The following TGS1 variants were observed in gnomAD, a reference collection of about 807,000 sequenced individuals.
TGS1 encodes the protein trimethylguanosine synthase 1.
TGS1 carries 69 observed loss-of-function variants against 92.2 expected under a neutral mutation model. The observed-to-expected ratio is 0.75, with a 90% confidence interval of 0.62 to 0.91. The LOEUF is 0.91. TGS1 is among the 40% of genes least tolerant of loss of function. The pLI, the probability that TGS1 is intolerant of heterozygous loss-of-function variation, is 0.00. For missense variants in TGS1, 1,062 were observed against 1,001.2 expected (o/e 1.06, Z -0.82); for synonymous variants, 345 against 338.1 (o/e 1.02, Z -0.22).
At chr8:55,820,180 A>G (rs1019889509) in intron 12 of TGS1, among the ~76,000 whole-genome samples, 5 of 152,134 alleles carry the variant, frequency 3.3e-5, no homozygotes, top group Non-Finnish European at 5.9e-5. Flanking sequence ...TTCCAGTAGG[A>G]TGCAGTTGGG....
chr8:55,786,639 T>C lies in TGS1; in HGVS notation c.741T>C (p.Tyr247=). ...AACATTATAGTCAACTTTATTGGTA[T>C]TATTTGGAACAATTTCAGTATTGGG... ...WEQHYSQLYW[Y]YLEQFQYWEA... is the part of the protein sequence containing the mutation. Residue 247 remains tyrosine (Y), a synonymous_variant, in exon 4 of 13, where the codon TAT becomes TAC. Coordinates refer to ENST00000260129, the MANE Select transcript of TGS1 (RefSeq NM_024831.8). 1 of 1,614,194 alleles carries C rather than the reference T, an allele frequency of 6.2e-7. No homozygotes were observed. Among genetic ancestry groups the C allele is most frequent in the East Asian group, 2.2e-5 (1 of 44,880 alleles).
intron 2 of TGS1, among the ~76,000 whole-genome samples, chr8:55,783,852 A>G (rs568170477): frequency 6.6e-6 from 1 of 152,362 alleles, no homozygotes; most frequent in East Asian, 1.9e-4. Context: ...CTATACAAAT[A>G]AAGTTCCTAT....
intron 10 of TGS1, among the ~76,000 whole-genome samples, chr8:55,806,305 G>A (rs1399391685): frequency 7.5e-6 from 1 of 133,516 alleles, no homozygotes; most frequent in Non-Finnish European, 1.5e-5. Flanking sequence ...GCAGTGAGCC[G>A]AGATCATGCC....
At chr8:55,801,228 C>G (rs1357530335) in intron 8 of TGS1, among the ~76,000 whole-genome samples, 1 of 152,228 alleles carries the variant, frequency 6.6e-6, no homozygotes, top group Non-Finnish European at 1.5e-5. Context: ...TGTCCTGTCA[C>G]TGCTGTGAAT....
Position 55,786,942 on chromosome 8 carries a change from A to G in TGS1, c.1044A>G (p.Leu348=). 1 of 1,614,158 alleles carries G rather than the reference A, an allele frequency of 6.2e-7. No homozygotes were observed. Among genetic ancestry groups the G allele is most frequent in the Non-Finnish European group, 8.5e-7 (1 of 1,180,014 alleles). The change falls in exon 4 of 13, where the codon CTA becomes CTG. Residue 348 remains leucine, a synonymous_variant. Coordinates refer to ENST00000260129, the MANE Select transcript of TGS1 (RefSeq NM_024831.8). ...CAAGTCATGATGGTCATCAACAGCT[A>G]AGTGAAGTTAGTAGCAAAAGAGAGT... The part of the protein sequence containing the change: ...SCTSHDGHQQ[L]SEVSSKRECP...
At position 55,802,737 on chromosome 8, in the gene TGS1, G is replaced by A. The variant is rs186043821; in HGVS notation, c.1999+131G>A. ...TCAGCTATTTTCAACATTTTGCCCC[G>A]TTTACGTTCTCATTCTCTCTCCATA... is the stretch of plus-strand genomic sequence containing the variant. On this transcript the variant is annotated intron_variant, in intron 9 of 12. Coordinates refer to ENST00000260129, the MANE Select transcript of TGS1 (RefSeq NM_024831.8). 1.0e-3 allele frequency: 860 copies of A among 848,370 alleles called. 7 individuals carry two copies. The highest frequency in any genetic ancestry group is 9.8e-3 in the African/African-American group (574 of 58,370). 52.6% of individuals were successfully genotyped at this position (848,370 alleles called of 1,614,324 possible).
At chr8:55,809,846 T>A (rs1803292357) in intron 10 of TGS1, among the ~76,000 whole-genome samples, 1 of 152,196 alleles carries the variant, frequency 6.6e-6, no homozygotes. Context: ...ATCGATTTGA[T>A]GTTGAAAGTC....
chr8:55,806,376 A>AT (rs1812373041), intron 10 of TGS1, among the ~76,000 whole-genome samples: 1 of 145,936 alleles, frequency 6.9e-6, no homozygotes, highest in African/African-American at 2.6e-5. Flanking sequence ...AAAAAAAAAA[A>AT]AGACAAAAGA....
intron 9 of TGS1, among the ~76,000 whole-genome samples, chr8:55,803,228 AT>A (rs1812271275): frequency 6.6e-6 from 1 of 152,200 alleles, no homozygotes; most frequent in Non-Finnish European, 1.5e-5. Flanking sequence ...TTGATAAATT[AT>A]TAAACAGAAA....
chr8:55,801,582 C>CTTTTTTTTT lies in TGS1; in HGVS notation c.1850-859_1850-851dup, dbSNP rs1212417955. 2.3e-4 allele frequency among the ~76,000 whole-genome samples: 11 copies of CTTTTTTTTT among 48,200 alleles called. 3 individuals carry two copies. Among genetic ancestry groups the CTTTTTTTTT allele is most frequent in the Admixed American group, 7.0e-4 (2 of 2,842 alleles). The allele number at this position is 48,200 out of a possible 152,430, so 31.6% of individuals were successfully genotyped here. A position where few individuals can be genotyped will look rare whatever the true frequency, so the allele number is the denominator to read the frequency against. On this transcript the variant is annotated intron_variant, in intron 8 of 12. Transcript: ENST00000260129. Reference sequence around the variant, plus strand: ...AACCACTGCGCCCAGCCCCATCGTTCTTTTTTTTTTTTTTTTTTTTTTTTG... The same window carrying CTTTTTTTTT: ...AACCACTGCGCCCAGCCCCATCGTTCTTTTTTTTTTTTTTTTTTTTTTTTTTTTTTTTTG...
At position 55,778,645 on chromosome 8, in the gene TGS1, T is replaced by C. The variant is rs1811469209; in HGVS notation, c.102-4103T>C. ...TCAGAATTTAAAAGAGTAGTGACCT[T>C]ATAGACAGCATATCTGTGTGCTTTT... On this transcript the variant is annotated intron_variant, in intron 1 of 12. Transcript: ENST00000260129. Among the ~76,000 whole-genome samples, 5 of 152,224 alleles carry C rather than the reference T, an allele frequency of 3.3e-5. No homozygotes were observed. The South Asian group carries it at 1.0e-3, about 32-fold the overall frequency.
At chr8:55,782,582 C>T (rs969146844) in intron 1 of TGS1, among the ~76,000 whole-genome samples, 166 bp from the exon 2 acceptor site, 6 of 152,214 alleles carry the variant, frequency 3.9e-5, no homozygotes, top group Non-Finnish European at 8.8e-5. Flanking sequence ...AACTCCATGA[C>T]AAATGTATTA....
intron 1 of TGS1, 110 bp downstream of exon 1, chr8:55,773,829 C>T: frequency 1.2e-6 from 1 of 836,830 alleles, no homozygotes; most frequent in Non-Finnish European, 1.9e-6. Context: ...AACATCTGAC[C>T]CTTGGGCACG....
intron 3 of TGS1, 84 bp downstream of exon 3, chr8:55,785,975 A>G: frequency 1.8e-6 from 2 of 1,124,900 alleles, no homozygotes; most frequent in Non-Finnish European, 2.5e-6. Flanking sequence ...ATCAGATTAT[A>G]TGCATTCACG....
At chr8:55,816,594 A>G (rs1401155049) in intron 12 of TGS1, among the ~76,000 whole-genome samples, 1 of 152,210 alleles carries the variant, frequency 6.6e-6, no homozygotes, top group African/African-American at 2.4e-5. Context: ...TTACCAATAC[A>G]GAGAGCAGGG....
chr8:55,811,778 A>G (rs549047482), intron 11 of TGS1, among the ~76,000 whole-genome samples: 5 of 152,244 alleles, frequency 3.3e-5, no homozygotes, highest in African/African-American at 9.6e-5. Flanking sequence ...AGGGAGAGAG[A>G]GAAATTAGTG....
intron 12 of TGS1, among the ~76,000 whole-genome samples, chr8:55,816,120 A>G (rs910764597): frequency 2.0e-5 from 3 of 152,066 alleles, no homozygotes; most frequent in Non-Finnish European, 2.9e-5. Flanking sequence ...AGCCCAGAGT[A>G]AGCATATTTT....
chr8:55,818,983 C>T (rs1398364116), intron 12 of TGS1, among the ~76,000 whole-genome samples: 1 of 152,060 alleles, frequency 6.6e-6, no homozygotes, highest in Admixed American at 6.6e-5. Context: ...CTCGCTCTGT[C>T]CACAAGGCTG....
chr8:55,825,871 A>ATTC lies in TGS1; in HGVS notation c.*1171_*1173dup, dbSNP rs1554567322. On this transcript the variant is annotated 3_prime_UTR_variant, in exon 13 of 13. Transcript: ENST00000260129. Reference sequence around the variant, plus strand: ...TCTTGGTTTTTAAACTTTATGTAGCATTCTTTTTTTTTTTTTTAGACAGAG... The same window carrying ATTC: ...TCTTGGTTTTTAAACTTTATGTAGCATTCTTCTTTTTTTTTTTTTTAGACAGAG... Among the ~76,000 whole-genome samples the ATTC allele has an allele frequency of 6.2e-5, 9 of 145,394 alleles. No homozygotes were observed. Among genetic ancestry groups the ATTC allele is most frequent in the Non-Finnish European group, 9.0e-5 (6 of 66,358 alleles).
Sources: gnomAD v4.1 joint callset for allele counts (sites outside exome capture counted in the v4.1 genomes callset) on GRCh38, gnomAD v4.1.1 for gene constraint, MANE v1.5 for transcripts, NCBI Gene and HGNC (gene_info 2026-07-23, HGNC 2026-07-21) for gene names.